Variants in LRRTM4 observed in about 807,000 individuals in gnomAD.
LRRTM4 encodes leucine rich repeat transmembrane neuronal 4, also known as leucine-rich repeat transmembrane neuronal protein 4.
LRRTM4 carries 25 observed loss-of-function variants against 47.6 expected under a neutral mutation model. That is an observed-to-expected ratio of 0.53 (90% CI 0.38 to 0.73). The LOEUF (loss-of-function observed/expected upper bound fraction) is 0.73, where lower values mean the gene tolerates loss of function less well. Among genes scored for constraint, LRRTM4 ranks in the 30% least tolerant of loss-of-function variants. The pLI is 0.00. For synonymous variants in LRRTM4, 311 were observed against 269.5 expected (o/e 1.15, Z -1.51); for missense variants, 638 against 713.4 (o/e 0.89, Z 1.20).
chr2:77,204,454 A>T (rs140529920), intron 3 of LRRTM4, among the ~76,000 whole-genome samples: 202 of 152,146 alleles, frequency 1.3e-3, no homozygotes, highest in Admixed American at 2.6e-3. Context: ...ACTGAATCAA[A>T]TAGAATGAAG....
At chr2:76,792,763 T>C (rs1675044277) in intron 3 of LRRTM4, among the ~76,000 whole-genome samples, 1 of 152,158 alleles carries the variant, frequency 6.6e-6, no homozygotes, top group Non-Finnish European at 1.5e-5. Flanking sequence ...CTAAGGACTT[T>C]CAACTCCTTC....
intron 3 of LRRTM4, among the ~76,000 whole-genome samples, chr2:77,502,097 C>T (rs1468755165): frequency 6.6e-6 from 1 of 151,258 alleles, no homozygotes; most frequent in Admixed American, 6.6e-5. Context: ...AATTGGAACC[C>T]ATATAAAATA....
intron 3 of LRRTM4, among the ~76,000 whole-genome samples, chr2:76,947,469 T>G (rs1204744850): frequency 6.6e-6 from 1 of 151,912 alleles, no homozygotes; most frequent in Non-Finnish European, 1.5e-5. Flanking sequence ...TGAATTGTTC[T>G]GTGAAGCTCT....
At chr2:77,362,254 G>A (rs1007202615) in intron 3 of LRRTM4, among the ~76,000 whole-genome samples, 8 of 152,076 alleles carry the variant, frequency 5.3e-5, no homozygotes, top group Admixed American at 2.0e-4. Flanking sequence ...GACTGGCTCC[G>A]GAGTCCATAG....
At chr2:77,435,747 G>T (rs1167332778) in intron 3 of LRRTM4, among the ~76,000 whole-genome samples, 1 of 152,142 alleles carries the variant, frequency 6.6e-6, no homozygotes, top group African/African-American at 2.4e-5. Flanking sequence ...ATAGTGGCAA[G>T]GCTGAGAACC....
intron 3 of LRRTM4, among the ~76,000 whole-genome samples, chr2:77,380,551 C>G (rs1673010750): frequency 6.6e-6 from 1 of 152,048 alleles, no homozygotes; most frequent in Non-Finnish European, 1.5e-5. Flanking sequence ...AATCCCAGCA[C>G]TTTGGGAGGC....
chr2:77,095,221 A>C (rs1168812640), intron 3 of LRRTM4, among the ~76,000 whole-genome samples: 1 of 152,234 alleles, frequency 6.6e-6, no homozygotes, highest in Non-Finnish European at 1.5e-5. Flanking sequence ...CATTAGTGAC[A>C]AAGTTAGAAT....
At chr2:77,371,639 T>G (rs999747270) in intron 3 of LRRTM4, among the ~76,000 whole-genome samples, 5 of 151,576 alleles carry the variant, frequency 3.3e-5, no homozygotes, top group African/African-American at 1.2e-4. Flanking sequence ...CATGCTTTAC[T>G]CCGGTTTTTG....
chr2:76,749,133 A>G (rs1441170261), intron 3 of LRRTM4, among the ~76,000 whole-genome samples: 3 of 152,232 alleles, frequency 2.0e-5, no homozygotes, highest in African/African-American at 4.8e-5. Context: ...ATAAAACAGT[A>G]TCTTTCAACT....
chr2:77,285,239 A>T (rs1365939868), intron 3 of LRRTM4, among the ~76,000 whole-genome samples: 1 of 150,880 alleles, frequency 6.6e-6, no homozygotes. Flanking sequence ...AGCAATGGGG[A>T]TATTTTCAAC....
rs187025014 is a variant in LRRTM4, at chr2:77,087,822, G to C, written c.1552-338906C>G. ...TAAAGAAAAATATTATTTAAGAAGA[G>C]CTCTTTAAAATGTGCTAAATAACTA... On this transcript the variant is annotated intron_variant, in intron 3 of 3. Coordinates refer to ENST00000409884, the MANE Select transcript of LRRTM4 (RefSeq NM_001134745.3). Among the ~76,000 whole-genome samples the C allele has an allele frequency of 1.4e-4, 21 of 152,284 alleles. No homozygotes were observed. The East Asian group carries it at 4.1e-3, about 29-fold the overall frequency.
chr2:76,976,136 T>C (rs1676410963), intron 3 of LRRTM4, among the ~76,000 whole-genome samples: 2 of 151,860 alleles, frequency 1.3e-5, no homozygotes, highest in African/African-American at 4.8e-5. Flanking sequence ...TTTTTAGACA[T>C]GCTCTGTAAT....
chr2:77,481,426 T>C (rs1387869845), intron 3 of LRRTM4, among the ~76,000 whole-genome samples: 1 of 152,204 alleles, frequency 6.6e-6, no homozygotes, highest in Non-Finnish European at 1.5e-5. Context: ...CTCCCCTGCT[T>C]ATCCCACACT....
In LRRTM4 at chr2:77,477,839, C is replaced by A. The variant is rs1211491090; in HGVS notation, c.1551+40479G>T. On this transcript the variant is annotated intron_variant, in intron 3 of 3. Coordinates refer to ENST00000409884, the MANE Select transcript of LRRTM4 (RefSeq NM_001134745.3). ...GCGCAACAAGGCTGGAGCAAAACTC[C>A]ATCAAAAAAAAAAAAAAGAAAGAGA... Among the ~76,000 whole-genome samples the A allele has an allele frequency of 5.3e-5, 2 of 37,396 alleles. 1 individual carries two copies. Among genetic ancestry groups the A allele is most frequent in the Non-Finnish European group, 1.1e-4 (2 of 18,052 alleles). 24.5% of individuals were successfully genotyped at this position (37,396 alleles called of 152,430 possible). A position where few individuals can be genotyped will look rare whatever the true frequency, so the allele number is the denominator to read the frequency against.
chr2:77,218,359 A>T (rs908411431), intron 3 of LRRTM4, among the ~76,000 whole-genome samples: 16 of 152,012 alleles, frequency 1.1e-4, no homozygotes, highest in Non-Finnish European at 2.2e-4. Context: ...TTATGTTATG[A>T]TAGCTTATTT....
chr2:77,074,433 G>A (rs1035524791), intron 3 of LRRTM4, among the ~76,000 whole-genome samples: 1 of 152,026 alleles, frequency 6.6e-6, no homozygotes, highest in South Asian at 2.1e-4. Context: ...ATTAGTAGTA[G>A]TAAGATCATA....
chr2:76,989,632 C>G (rs1676933143), intron 3 of LRRTM4, among the ~76,000 whole-genome samples: 1 of 151,662 alleles, frequency 6.6e-6, no homozygotes, highest in Admixed American at 6.6e-5. Context: ...GCTTAATCTC[C>G]CTAATCTCAG....
intron 3 of LRRTM4, among the ~76,000 whole-genome samples, chr2:77,088,414 G>C (rs1053885290): frequency 1.3e-5 from 2 of 152,140 alleles, no homozygotes; most frequent in Non-Finnish European, 2.9e-5. Flanking sequence ...ATTACCTTGT[G>C]AAAGTCCTTT....
At chr2:76,888,091 AGT>A (rs895935215) in intron 3 of LRRTM4, among the ~76,000 whole-genome samples, 6 of 150,210 alleles carry the variant, frequency 4.0e-5, no homozygotes, top group Admixed American at 2.0e-4. Context: ...ATACATATAT[AGT>A]GTGTGTGTAT....
Sources: gnomAD v4.1 joint callset for allele counts (sites outside exome capture counted in the v4.1 genomes callset) on GRCh38, gnomAD v4.1.1 for gene constraint, MANE v1.5 for transcripts, NCBI Gene and HGNC (gene_info 2026-07-23, HGNC 2026-07-21) for gene names.